UROS: variants seen among roughly 807,000 people sequenced by gnomAD.
UROS encodes the protein uroporphyrinogen-III synthase.
A neutral mutation model predicts 33.0 loss-of-function variants in UROS; 18 were observed. That is an observed-to-expected ratio of 0.55 (90% CI 0.38 to 0.81). UROS has a LOEUF of 0.81. Among genes scored for constraint, UROS ranks in the 30% least tolerant of loss-of-function variants. The pLI, the probability that UROS is intolerant of heterozygous loss-of-function variation, is 0.00. For synonymous variants in UROS, 114 were observed against 121.1 expected, an observed-to-expected ratio of 0.94 and a Z score of 0.38; for missense variants, 293 against 314.9, an observed-to-expected ratio of 0.93 and a Z score of 0.53.
At position 125,823,215 on chromosome 10, in the gene UROS, G is replaced by T; in HGVS notation, c.-213C>A. 1 of 214,244 alleles carries T rather than the reference G, an allele frequency of 4.7e-6. No homozygotes were observed. Among genetic ancestry groups the T allele is most frequent in the East Asian group, 1.1e-4 (1 of 9,392 alleles). 13.3% of individuals were successfully genotyped at this position (214,244 alleles called of 1,614,324 possible). A position where few individuals can be genotyped will look rare whatever the true frequency, so the allele number is the denominator to read the frequency against. ...GCCCCAGGACCCCGCACCTCAGACT[G>T]GGGTCGCGTGGGTGGCTGCGCGCAG... On this transcript the variant is annotated 5_prime_UTR_variant, in exon 1 of 10. Transcript: ENST00000368797.
chr10:125,788,815 CA>C lies in UROS; in HGVS notation c.*52del. 1 of 1,540,384 alleles carries C rather than the reference CA, an allele frequency of 6.5e-7. No individual in the cohort carries two copies. The highest frequency in any genetic ancestry group is 8.8e-7 in the Non-Finnish European group (1 of 1,141,376). ...GCCCTTGCCGATGCCTGGCTCCATC[CA>C]GAGCCAGCCCAGCCCAGGGAGGCTG... On this transcript the variant is annotated 3_prime_UTR_variant, in exon 10 of 10. Transcript: ENST00000368797.
At chr10:125,796,689 G>T in intron 7 of UROS, 1 of 771,646 alleles carries the variant, frequency 1.3e-6, no homozygotes, top group Non-Finnish European at 1.6e-6. Context: ...TGATTAAGCC[G>T]TGGACTTTCC....
chr10:125,802,929 C>T (rs1344924839), intron 6 of UROS: 53 of 1,610,340 alleles, frequency 3.3e-5, no homozygotes, highest in Admixed American at 3.2e-4. Flanking sequence ...ACCAAGGATG[C>T]GGCTAAACCC....
chr10:125,792,466 G>A (rs1476396206), intron 9 of UROS: 4 of 152,272 alleles, frequency 2.6e-5, no homozygotes, highest in Admixed American at 6.5e-5. Context: ...ACTGTGGCTA[G>A]TGAGCACTAG....
intron 5 of UROS, 21 bp downstream of exon 5, chr10:125,812,192 TA>T: frequency 6.2e-7 from 1 of 1,611,088 alleles, no homozygotes; most frequent in Non-Finnish European, 8.5e-7. Flanking sequence ...TTTGTTGTTT[TA>T]TTTTTACCTT....
intron 4 of UROS, among the ~76,000 whole-genome samples, chr10:125,812,898 TATATC>T (rs1478522470): frequency 5.9e-5 from 9 of 152,178 alleles, no homozygotes; most frequent in African/African-American, 2.2e-4. Context: ...ATTGTATAAA[TATATC>T]ATAAAGCTAC....
chr10:125,822,454 C>T (rs948812517), intron 1 of UROS, among the ~76,000 whole-genome samples: 73 of 152,208 alleles, frequency 4.8e-4, no homozygotes, highest in African/African-American at 1.7e-3. Context: ...TCCTGAGTAG[C>T]TGGGACTACA....
intron 3 of UROS, 110 bp downstream of exon 3, chr10:125,816,067 T>TGGGA: frequency 1.7e-6 from 2 of 1,147,556 alleles, no homozygotes; most frequent in Middle Eastern, 1.9e-4. Context: ...GCTGCCATGT[T>TGGGA]TTAAAGTTTG....
At chr10:125,785,911 G>C (rs901188787), downstream of UROS, 5 of 152,218 alleles carry the variant, frequency 3.3e-5, no homozygotes, top group African/African-American at 1.2e-4. Flanking sequence ...AAAACCCTGT[G>C]CAGCACATCT....
At position 125,816,803 on chromosome 10, in the gene UROS, G is replaced by A. The variant is rs114723799; in HGVS notation, c.-26-278C>T. Among the ~76,000 whole-genome samples the A allele has an allele frequency of 4.9e-3, 752 of 152,224 alleles. 3 individuals are homozygous for A. The highest frequency in any genetic ancestry group is 0.017 in the African/African-American group (695 of 41,536). On this transcript the variant is annotated intron_variant, in intron 1 of 9. Transcript: ENST00000368797. ...TCCTATGCCAAACGTTTATGGTTCCGGAAAGAGAACTGATGTAAATTTAGG... is the reference window on the plus strand; with the variant it reads ...TCCTATGCCAAACGTTTATGGTTCCAGAAAGAGAACTGATGTAAATTTAGG...
At chr10:125,788,061 C>T (rs1348716574), downstream of UROS, among the ~76,000 whole-genome samples, 1 of 152,162 alleles carries the variant, frequency 6.6e-6, no homozygotes, top group Non-Finnish European at 1.5e-5. Flanking sequence ...AGACGGGGAG[C>T]CCAAATGCCT....
rs768250599 is a variant in UROS, at chr10:125,788,638, C to T, written c.*230G>A. The T allele has an allele frequency of 1.4e-6, 2 of 1,411,896 alleles. No homozygotes were observed. The highest frequency in any genetic ancestry group is 1.8e-6 in the Non-Finnish European group (2 of 1,086,330). The allele number at this position is 1,411,896 out of a possible 1,614,324, so 87.5% of individuals were successfully genotyped here. ...CTTCCTTCCTGCTGGGCACAGGAAG[C>T]TCTCACAGGGCTAGGGTTTAAGCTG... On this transcript the variant is annotated 3_prime_UTR_variant, in exon 10 of 10. Coordinates refer to ENST00000368797, the MANE Select transcript of UROS (RefSeq NM_000375.3).
At chr10:125,787,931 TGCCACTCACTA>T (rs139725983), downstream of UROS, among the ~76,000 whole-genome samples, 1,624 of 152,294 alleles carry the variant, frequency 0.011, 33 homozygotes, top group African/African-American at 0.036. Context: ...GTTCTGGTTC[TGCCACTCACTA>T]GCATGTGACC....
In UROS at chr10:125,812,272, C is replaced by T; in HGVS notation, c.261G>A (p.Leu87=). ...CTGACTTGGCATTCCATTTTTCTTTCAGAGACCTTTCCCAGACTGTAAAAC... is the reference window on the plus strand; with the variant it reads ...CTGACTTGGCATTCCATTTTTCTTTTAGAGACCTTTCCCAGACTGTAAAAC... ...NNKTEVWERS[L]KEKWNAKSVY... is the part of the protein sequence containing the mutation. The change falls in exon 5 of 10, where the codon CTG becomes CTA. Residue 87 remains leucine, a synonymous_variant. Transcript: ENST00000368797. The T allele has an allele frequency of 6.2e-7, 1 of 1,613,800 alleles. No individual in the cohort carries two copies. Among genetic ancestry groups the T allele is most frequent in the Non-Finnish European group, 8.5e-7 (1 of 1,179,930 alleles).
intron 9 of UROS, chr10:125,791,783 A>G (rs1301445705): frequency 6.6e-6 from 1 of 152,208 alleles, no homozygotes; most frequent in African/African-American, 2.4e-5. Flanking sequence ...ATGGAGATGA[A>G]AAACAGTTGA....
Position 125,794,966 on chromosome 10 carries a change from TG to T in UROS, c.573del (p.Ser192AlafsTer48). 1 of 1,614,184 alleles carries T rather than the reference TG, an allele frequency of 6.2e-7. No homozygotes were observed. Among genetic ancestry groups the T allele is most frequent in the East Asian group, 2.2e-5 (1 of 44,882 alleles). On this transcript the variant is annotated frameshift_variant, in exon 9 of 10. Transcript: ENST00000368797. LOFTEE classifies it high-confidence loss of function. ...CCAGAGGGACTAAAAAATGTGATGC[TG>T]GCTGGAACCCCCTGTGGGGAACAGA... is the stretch of plus-strand genomic sequence containing the variant. ...NSYYSQQGVPASITFFSPSGL... is the reference protein window; with the variant it reads ...NSYYSQQGVPXSITFFSPSGL...
rs186098206 is a variant in UROS at position 125,788,925 on chromosome 10, C to T, written c.741G>A (p.Thr247=). The T allele has an allele frequency of 1.9e-5, 31 of 1,608,868 alleles. No individual in the cohort carries two copies. The highest frequency in any genetic ancestry group is 3.4e-4 in the Middle Eastern group (2 of 5,962). The part of the protein sequence containing the change: ...LPVSCTAESP[T]PQALATGIRK... ...TGATGCCAGTGGCCAGGGCTTGTGGCGTGGGGCTCTCTGCAGTGCAGCTTA... is the reference window on the plus strand; with the variant it reads ...TGATGCCAGTGGCCAGGGCTTGTGGTGTGGGGCTCTCTGCAGTGCAGCTTA... The change falls in exon 10 of 10, where the codon ACG becomes ACA. Residue 247 remains threonine (T), a synonymous_variant. Transcript: ENST00000368797.
intron 6 of UROS, among the ~76,000 whole-genome samples, chr10:125,805,561 A>G (rs1280709474): frequency 1.3e-5 from 2 of 152,192 alleles, no homozygotes; most frequent in Non-Finnish European, 2.9e-5. Context: ...GTGTGGTCCA[A>G]TTTGGTGCCA....
intron 6 of UROS, 106 bp from the exon 7 acceptor site, chr10:125,798,251 G>T (rs1031888910): frequency 8.0e-6 from 9 of 1,131,492 alleles, no homozygotes; most frequent in Non-Finnish European, 1.2e-5. Context: ...TGGGCTCCAG[G>T]CCTGGCTCTG....
Sources: gnomAD v4.1 joint callset for allele counts (sites outside exome capture counted in the v4.1 genomes callset) on GRCh38, gnomAD v4.1.1 for gene constraint, MANE v1.5 for transcripts, NCBI Gene and HGNC (gene_info 2026-07-23, HGNC 2026-07-21) for gene names.